The following AFF2 variants were observed in gnomAD, a reference collection of about 807,000 sequenced individuals.
AFF2 encodes ALF transcription elongation factor 2, also known as AF4/FMR2 family member 2.
A neutral mutation model predicts 76.9 loss-of-function variants in AFF2; 14 were observed. The observed-to-expected ratio is 0.18, with a 90% CI of 0.12 to 0.28. The LOEUF (loss-of-function observed/expected upper bound fraction) is 0.28, where lower values mean the gene tolerates loss of function less well. Ranked by LOEUF, AFF2 falls within the 10% of genes least tolerant of loss-of-function variation. The probability of loss-of-function intolerance (pLI) is 1.00; values close to 1 mark genes in which losing one functional copy is unlikely to be tolerated. For synonymous variants in AFF2, 398 were observed against 366.7 expected (o/e 1.09, Z -0.98); for missense variants, 868 against 1,001.1 (o/e 0.87, Z 1.79).
chrX:148,846,659 T>A (rs928872561), intron 7 of AFF2, among the ~76,000 whole-genome samples: 6 of 111,263 alleles, frequency 5.4e-5, no homozygotes, highest in African/African-American at 2.0e-4. Flanking sequence ...AGGCCCCACC[T>A]AGGTCTTCTT....
chrX:148,670,850 CCCTTGGAGT>C (rs2054414879), intron 3 of AFF2, among the ~76,000 whole-genome samples: 1 of 111,967 alleles, frequency 8.9e-6, no homozygotes, highest in Admixed American at 9.4e-5. Flanking sequence ...TACTTTTCTT[CCCTTGGAGT>C]CCTTGTCCTC....
chrX:148,706,388 C>T (rs1557262396), intron 3 of AFF2, among the ~76,000 whole-genome samples: 1 of 112,253 alleles, frequency 8.9e-6, no homozygotes, highest in African/African-American at 3.2e-5. Context: ...AAGGGTTCTC[C>T]CACCATTGAA....
At position 148,956,427 on chromosome X, in the gene AFF2, T is replaced by C. The variant is rs781877306; in HGVS notation, c.2382T>C (p.Asp794=). The change falls in exon 11 of 21, where the codon GAT becomes GAC. Residue 794 remains aspartate (D), a synonymous_variant. Transcript: ENST00000370460. ...MQTEILSPLR[D]HENLKNLWVK... ...CTGAAATCCTGTCCCCTCTGCGAGATCATGAGAACCTGAAAAACCTCTGGG... is the reference window on the plus strand; with the variant it reads ...CTGAAATCCTGTCCCCTCTGCGAGACCATGAGAACCTGAAAAACCTCTGGG... The C allele has an allele frequency of 5.0e-6, 6 of 1,209,641 alleles. No individual in the cohort carries two copies. In the African/African-American group the frequency reaches 1.1e-4, roughly 21 times the overall value.
At chrX:148,675,598 C>T (rs1249790311) in intron 3 of AFF2, among the ~76,000 whole-genome samples, 1 of 109,194 alleles carries the variant, frequency 9.2e-6, no homozygotes, top group Non-Finnish European at 1.9e-5. Context: ...CTCTGCTTGT[C>T]AGGTTCTCTT....
chrX:148,930,564 G>A lies in AFF2; in HGVS notation c.1398-23016G>A, dbSNP rs782555721. 1.7e-4 allele frequency among the ~76,000 whole-genome samples: 19 copies of A among 112,458 alleles called. No individual in the cohort carries two copies. The South Asian group carries it at 7.1e-3, about 42-fold the overall frequency. Reference sequence around the variant, plus strand: ...CAGGGCCAATTAGCAACAGAACCTTGCCTGCAAGTCACTACATGTCCAAAT... The same window carrying A: ...CAGGGCCAATTAGCAACAGAACCTTACCTGCAAGTCACTACATGTCCAAAT... On this transcript the variant is annotated intron_variant, in intron 9 of 20. Coordinates refer to ENST00000370460, the MANE Select transcript of AFF2 (RefSeq NM_002025.4).
intron 8 of AFF2, among the ~76,000 whole-genome samples, chrX:148,895,701 G>C (rs1461617202): frequency 6.3e-5 from 7 of 110,866 alleles, no homozygotes; most frequent in Non-Finnish European, 7.6e-5. Context: ...CCTCACCTAT[G>C]GATGTGTCTG....
At chrX:148,885,323 G>A (rs145732938) in intron 7 of AFF2, among the ~76,000 whole-genome samples, 29 of 111,517 alleles carry the variant, frequency 2.6e-4, no homozygotes, top group South Asian at 3.8e-4. Context: ...GGAAGAGATC[G>A]GTCATATATC....
intron 3 of AFF2, among the ~76,000 whole-genome samples, chrX:148,682,021 CTT>C (rs2054556359): frequency 8.9e-6 from 1 of 111,746 alleles, no homozygotes; most frequent in Non-Finnish European, 1.9e-5. Context: ...GTTGTACAAA[CTT>C]ATAATGTAGC....
intron 1 of AFF2, among the ~76,000 whole-genome samples, chrX:148,543,934 C>G (rs1007162998): frequency 6.2e-5 from 7 of 112,195 alleles, no homozygotes; most frequent in Non-Finnish European, 9.4e-5. Context: ...TTTGTCCCTC[C>G]ATGTTCTGTG....
At chrX:148,749,266 CTTT>C (rs60610965) in intron 3 of AFF2, among the ~76,000 whole-genome samples, 1 of 96,008 alleles carries the variant, frequency 1.0e-5, no homozygotes. Context: ...CCTAAATAGT[CTTT>C]TTTTTTTTTT....
intron 1 of AFF2, among the ~76,000 whole-genome samples, chrX:148,543,313 C>T (rs191884931): frequency 1.8e-5 from 2 of 111,853 alleles, no homozygotes; most frequent in East Asian, 5.6e-4. Context: ...TGTGCAATGA[C>T]TAAAGATTGT....
intron 3 of AFF2, among the ~76,000 whole-genome samples, chrX:148,671,180 C>CT (rs781793101): frequency 1.8e-5 from 2 of 111,511 alleles, no homozygotes; most frequent in South Asian, 3.8e-4. Context: ...TTGTTTAACA[C>CT]TTTTTTTGGT....
intron 15 of AFF2, among the ~76,000 whole-genome samples, chrX:148,971,630 A>G (rs1557289567): frequency 9.1e-6 from 1 of 109,879 alleles, no homozygotes; most frequent in East Asian, 2.9e-4. Flanking sequence ...TTAATGAAAG[A>G]AAATTGAAGG....
At chrX:148,982,403 G>A (rs144590055) in intron 19 of AFF2, among the ~76,000 whole-genome samples, 1,153 of 112,086 alleles carry the variant, frequency 0.01, 12 homozygotes, top group African/African-American at 0.031. Context: ...CACTCCAGAA[G>A]CACACAGTCC....
At chrX:148,528,161 TA>T (rs1464535738) in intron 1 of AFF2, among the ~76,000 whole-genome samples, 2 of 112,106 alleles carry the variant, frequency 1.8e-5, no homozygotes, top group African/African-American at 6.5e-5. Context: ...CTTTACTTTT[TA>T]AATTTACCTC....
chrX:148,716,098 T>A (rs1449777878), intron 3 of AFF2, among the ~76,000 whole-genome samples: 1 of 112,082 alleles, frequency 8.9e-6, no homozygotes, highest in Non-Finnish European at 1.9e-5. Flanking sequence ...TACATATATA[T>A]GTGTATGTGT....
intron 1 of AFF2, among the ~76,000 whole-genome samples, chrX:148,534,882 A>G (rs2052767039): frequency 8.9e-6 from 1 of 111,949 alleles, no homozygotes; most frequent in Non-Finnish European, 1.9e-5. Context: ...TCTAAATCAC[A>G]TATCCAATCT....
intron 3 of AFF2, among the ~76,000 whole-genome samples, chrX:148,676,779 C>T (rs1364158204): frequency 9.0e-6 from 1 of 111,480 alleles, no homozygotes; most frequent in African/African-American, 3.3e-5. Flanking sequence ...GGCTTGATGG[C>T]TTCTGGGATT....
intron 1 of AFF2, among the ~76,000 whole-genome samples, chrX:148,521,407 C>T (rs1339956693): frequency 1.7e-5 from 1 of 58,069 alleles, no homozygotes; most frequent in Non-Finnish European, 3.8e-5. Context: ...CACACACACA[C>T]ACACTCACTG....
Sources: allele counts gnomAD v4.1 joint callset (sites outside exome capture counted in the v4.1 genomes callset), GRCh38; gene constraint gnomAD v4.1.1; transcripts MANE v1.5; gene names NCBI Gene and HGNC (gene_info 2026-07-23, HGNC 2026-07-21).